Variants in BACH2 observed in about 807,000 individuals in gnomAD.
BACH2 encodes the protein transcription regulator protein BACH2.
A neutral mutation model predicts 61.8 loss-of-function variants in BACH2; 5 were observed. The ratio of observed to expected loss-of-function variants is 0.08; its 90% CI spans 0.04 to 0.17. BACH2 has a LOEUF of 0.17. BACH2 is among the 10% of genes least tolerant of loss of function. BACH2 has a pLI of 1.00. For missense variants in BACH2, 824 were observed against 1,091.1 expected (o/e 0.76, Z 3.45); for synonymous variants, 446 against 440.1 (o/e 1.01, Z -0.17).
In BACH2 at chr6:89,950,891, G is replaced by C. The variant is rs1167000190; in HGVS notation, c.1215C>G (p.Phe405Leu). The C allele has an allele frequency of 6.2e-7, 1 of 1,601,946 alleles. No individual in the cohort carries two copies. Among genetic ancestry groups the C allele is most frequent in the East Asian group, 2.2e-5 (1 of 44,788 alleles). The change falls in exon 7 of 9, where the codon TTC becomes TTG. Residue 405 changes from phenylalanine (F) to leucine (L), a missense_variant. Phe to Leu is a conservative substitution (Grantham distance 22). Around this residue, in one of 8 missense-constraint regions of BACH2, gnomAD observed 226 missense variants for 228.5 expected, o/e 0.99. Transcript: ENST00000257749. This position sits in a 1 kb window ranked among gnomAD's most constrained non-coding sequence, Gnocchi z 5.3. ...PHVGQKEVSN[F>L]TMGSPLRGPG... ...GCCCCCTGAGGGGCGACCCCATGGT[G>C]AAGTTGGACACCTCCTTCTGGCCCA...
rs368579620 is a variant in BACH2 at position 90,054,002 on chromosome 6, G to A, written c.-13+34959C>T. Among the ~76,000 whole-genome samples, 19 of 152,286 alleles carry A rather than the reference G, an allele frequency of 1.2e-4. No homozygotes were observed. The East Asian group carries it at 3.3e-3, about 26-fold the overall frequency. ...CCGGTGGGGAGGAGCCAAGATGGCCGAATAGGAACAGCTCCGGTCTACAGC... is the reference window on the plus strand; with the variant it reads ...CCGGTGGGGAGGAGCCAAGATGGCCAAATAGGAACAGCTCCGGTCTACAGC... On this transcript the variant is annotated intron_variant, in intron 5 of 8. Transcript: ENST00000257749.
At chr6:89,954,382 C>T (rs1045454735) in intron 6 of BACH2, among the ~76,000 whole-genome samples, 7 of 151,338 alleles carry the variant, frequency 4.6e-5, no homozygotes, top group African/African-American at 7.3e-5. Flanking sequence ...ATGTGTCATG[C>T]TGGTGTGCTG....
At chr6:90,183,526 C>T (rs915861984) in intron 4 of BACH2, among the ~76,000 whole-genome samples, 23 of 152,166 alleles carry the variant, frequency 1.5e-4, no homozygotes, top group Admixed American at 7.9e-4. Flanking sequence ...TGTCAATAAC[C>T]GTGAATAGTA....
chr6:90,273,172 T>A (rs1437657159), intron 1 of BACH2, among the ~76,000 whole-genome samples: 3 of 152,070 alleles, frequency 2.0e-5, no homozygotes, highest in Middle Eastern at 3.4e-3. Flanking sequence ...CCAGCCTGGA[T>A]AACATAACGA....
rs1770437173 is a variant in BACH2, at chr6:90,241,122, G to A, written c.-275+11391C>T. Among the ~76,000 whole-genome samples, 8 of 138,936 alleles carry A rather than the reference G, an allele frequency of 5.8e-5. 1 individual carries two copies. The South Asian group carries it at 1.1e-3, about 19-fold the overall frequency. The allele number at this position is 138,936 out of a possible 152,430, so 91.1% of individuals were successfully genotyped here. A position where few individuals can be genotyped will look rare whatever the true frequency, so the allele number is the denominator to read the frequency against. On this transcript the variant is annotated intron_variant, in intron 3 of 8. Coordinates refer to ENST00000257749, the MANE Select transcript of BACH2 (RefSeq NM_021813.4). Reference sequence around the variant, plus strand: ...TGCACTCCAGCCTGGGTGACAGAGCGAGACTCCAACTCAAAAAAAAAAAAA... The same window carrying A: ...TGCACTCCAGCCTGGGTGACAGAGCAAGACTCCAACTCAAAAAAAAAAAAA...
intron 4 of BACH2, among the ~76,000 whole-genome samples, chr6:90,159,156 G>A (rs1785099685): frequency 6.6e-6 from 1 of 152,186 alleles, no homozygotes; most frequent in Admixed American, 6.5e-5. Flanking sequence ...ACTAATTACT[G>A]GGTAAGACAG....
intron 5 of BACH2, among the ~76,000 whole-genome samples, chr6:90,055,205 AAAG>A (rs1247214857): frequency 6.6e-6 from 1 of 152,214 alleles, no homozygotes; most frequent in African/African-American, 2.4e-5. Flanking sequence ...AACCAATGGC[AAAG>A]AAGTTAAAAG....
At chr6:90,290,396 T>TC (rs1177909706) in intron 1 of BACH2, among the ~76,000 whole-genome samples, 1 of 152,196 alleles carries the variant, frequency 6.6e-6, no homozygotes, top group Non-Finnish European at 1.5e-5. Context: ...CTGGGTTTGC[T>TC]CCCCATTAGC....
At chr6:90,040,967 C>T (rs891660641) in intron 5 of BACH2, among the ~76,000 whole-genome samples, 4 of 152,176 alleles carry the variant, frequency 2.6e-5, no homozygotes, top group African/African-American at 9.7e-5. Context: ...AGCTGATTCA[C>T]AGAAGAAAGC....
chr6:90,057,549 A>G (rs950991827), intron 5 of BACH2, among the ~76,000 whole-genome samples: 7 of 152,188 alleles, frequency 4.6e-5, no homozygotes, highest in South Asian at 4.1e-4. Context: ...AGAGGTACAA[A>G]GAGGAGCTGG....
intron 3 of BACH2, among the ~76,000 whole-genome samples, chr6:90,236,591 G>A (rs2127862494): frequency 6.6e-6 from 1 of 152,338 alleles, no homozygotes; most frequent in African/African-American, 2.4e-5. Context: ...CAGTATGGAA[G>A]ATGAACCAAG....
intron 6 of BACH2, among the ~76,000 whole-genome samples, chr6:89,964,893 C>CT (rs1172230666): frequency 4.8e-4 from 71 of 149,300 alleles, no homozygotes; most frequent in South Asian, 3.0e-3. Flanking sequence ...AGATGTAATT[C>CT]TTTTTTTTTT....
intron 5 of BACH2, among the ~76,000 whole-genome samples, chr6:90,023,818 T>A (rs959850117): frequency 1.3e-5 from 2 of 152,178 alleles, no homozygotes; most frequent in Non-Finnish European, 2.9e-5. Context: ...AAGACAGCCC[T>A]TACCAAGAAC....
At chr6:90,251,235 T>C (rs1380035384) in intron 3 of BACH2, among the ~76,000 whole-genome samples, 2 of 152,178 alleles carry the variant, frequency 1.3e-5, no homozygotes, top group East Asian at 3.8e-4. Flanking sequence ...AACCTCAGTG[T>C]TGAACAAACT....
intron 3 of BACH2, among the ~76,000 whole-genome samples, chr6:90,212,000 G>A (rs1769371139): frequency 6.6e-6 from 1 of 152,218 alleles, no homozygotes; most frequent in African/African-American, 2.4e-5. Context: ...GAAGGAGTAA[G>A]TGAAGTAATA....
chr6:89,998,115 C>T (rs1169617977), intron 6 of BACH2, among the ~76,000 whole-genome samples: 1 of 152,126 alleles, frequency 6.6e-6, no homozygotes, highest in East Asian at 1.9e-4. Flanking sequence ...CTTCTGTATC[C>T]TTCCTTTGGT....
At chr6:90,222,129 G>A (rs535812602) in intron 3 of BACH2, among the ~76,000 whole-genome samples, 2 of 152,048 alleles carry the variant, frequency 1.3e-5, no homozygotes, top group Non-Finnish European at 2.9e-5. Context: ...TTTGAAACAG[G>A]GTGTGGATTC....
chr6:90,137,927 C>A (rs1380601176), intron 4 of BACH2, among the ~76,000 whole-genome samples: 1 of 152,076 alleles, frequency 6.6e-6, no homozygotes, highest in Non-Finnish European at 1.5e-5. Context: ...GTGATCAGAG[C>A]AAGTGATTTC....
intron 1 of BACH2, among the ~76,000 whole-genome samples, chr6:90,290,969 T>C (rs1772159245): frequency 6.6e-6 from 1 of 152,114 alleles, no homozygotes; most frequent in South Asian, 2.1e-4. Context: ...AAGGAGCCAA[T>C]GAAAGCTGAC....
Sources: allele counts gnomAD v4.1 joint callset (sites outside exome capture counted in the v4.1 genomes callset), GRCh38; gene constraint gnomAD v4.1.1; regional missense constraint gnomAD v4.1.1; non-coding constraint Gnocchi (gnomAD v3.1); transcripts MANE v1.5; gene names NCBI Gene and HGNC (gene_info 2026-07-23, HGNC 2026-07-21).